RMST: variants seen among roughly 807,000 people sequenced by gnomAD.
RMST encodes rhabdomyosarcoma 2 associated transcript, also known as long intergenic non-protein coding RNA 54.
intron 11 of RMST, among the ~76,000 whole-genome samples, chr12:97,543,656 A>G (rs1049552475): frequency 6.6e-6 from 1 of 151,966 alleles, no homozygotes; most frequent in Non-Finnish European, 1.5e-5. Flanking sequence ...TGTTTACTAT[A>G]TGCCAGACAC....
At chr12:97,497,640 G>A (rs1877591160) in intron 10 of RMST, among the ~76,000 whole-genome samples, 1 of 150,638 alleles carries the variant, frequency 6.6e-6, no homozygotes, top group Non-Finnish European at 1.5e-5. Context: ...TGATAGTCAT[G>A]AATGAAGATA....
chr12:97,539,054 T>A (rs943386482), intron 11 of RMST, among the ~76,000 whole-genome samples: 3 of 151,502 alleles, frequency 2.0e-5, no homozygotes, highest in Non-Finnish European at 3.0e-5. Flanking sequence ...ATACTAATTT[T>A]AACATATTAT....
At chr12:97,528,282 T>A (rs529495333) in intron 10 of RMST, among the ~76,000 whole-genome samples, 1 of 152,296 alleles carries the variant, frequency 6.6e-6, no homozygotes, top group Admixed American at 6.5e-5. Flanking sequence ...CTTTTTAAAT[T>A]CAGTATAGTC....
intron 5 of RMST, among the ~76,000 whole-genome samples, chr12:97,466,170 G>C (rs1369446815): frequency 1.3e-5 from 2 of 152,044 alleles, no homozygotes; most frequent in South Asian, 4.1e-4. Context: ...TATTGTAATC[G>C]CACTTATTCA....
At chr12:97,555,834 G>A (rs1037805240) in intron 11 of RMST, among the ~76,000 whole-genome samples, 2 of 152,144 alleles carry the variant, frequency 1.3e-5, no homozygotes. Context: ...CAACTGTCTC[G>A]GGAATTTCTC....
intron 5 of RMST, among the ~76,000 whole-genome samples, chr12:97,473,995 G>T (rs1207116165): frequency 6.6e-6 from 1 of 151,968 alleles, no homozygotes; most frequent in Non-Finnish European, 1.5e-5. Context: ...ACTATTTCTG[G>T]CTTCTCTGCC....
intron 11 of RMST, among the ~76,000 whole-genome samples, chr12:97,549,646 A>G (rs1449355929): frequency 6.6e-6 from 1 of 152,232 alleles, no homozygotes; most frequent in Admixed American, 6.5e-5. Flanking sequence ...AAACTTTCTC[A>G]GCAACATGCT....
chr12:97,528,556 A>C (rs182381458), intron 10 of RMST, among the ~76,000 whole-genome samples: 1 of 152,282 alleles, frequency 6.6e-6, no homozygotes, highest in Non-Finnish European at 1.5e-5. Flanking sequence ...TTTCATAGGA[A>C]CAAATAGTGA....
intron 5 of RMST, among the ~76,000 whole-genome samples, chr12:97,486,189 G>A (rs780840249): frequency 4.1e-4 from 63 of 152,220 alleles, no homozygotes; most frequent in Middle Eastern, 3.4e-3. Flanking sequence ...CAAGTTTTCC[G>A]CCTTTGTCTG....
At chr12:97,525,207 A>C (rs1880966753) in intron 10 of RMST, among the ~76,000 whole-genome samples, 1 of 152,244 alleles carries the variant, frequency 6.6e-6, no homozygotes, top group Non-Finnish European at 1.5e-5. Flanking sequence ...GAGATGCAGG[A>C]ATACCAACAT....
At chr12:97,488,205 G>A (rs539774074) in intron 5 of RMST, among the ~76,000 whole-genome samples, 62 of 152,274 alleles carry the variant, frequency 4.1e-4, no homozygotes, top group East Asian at 2.5e-3. Context: ...CCAACATGGC[G>A]AAACCCTGTC....
At chr12:97,495,545 ATAT>A (rs1877316111) in intron 9 of RMST, among the ~76,000 whole-genome samples, 1 of 152,176 alleles carries the variant, frequency 6.6e-6, no homozygotes, top group Non-Finnish European at 1.5e-5. Flanking sequence ...AAGTCCAAAA[ATAT>A]TAGTGTGTTC....
chr12:97,502,481 T>G (rs1398111403), intron 10 of RMST, among the ~76,000 whole-genome samples: 2 of 152,160 alleles, frequency 1.3e-5, no homozygotes, highest in Admixed American at 6.5e-5. Context: ...TGATTTTTTT[T>G]GAGACAATCT....
chr12:97,533,004 CT>C (rs1881795097), intron 11 of RMST: 1 of 151,754 alleles, frequency 6.6e-6, no homozygotes, highest in African/African-American at 2.4e-5. Context: ...AGAAGAAAAT[CT>C]TCCTATTTTA....
intron 11 of RMST, among the ~76,000 whole-genome samples, chr12:97,558,775 A>G (rs1883891143): frequency 6.6e-6 from 1 of 152,132 alleles, no homozygotes; most frequent in South Asian, 2.1e-4. Context: ...TTGGTTATTT[A>G]TTCTGGGTAA....
chr12:97,528,492 AC>A (rs1354787295), intron 10 of RMST, among the ~76,000 whole-genome samples: 1 of 152,054 alleles, frequency 6.6e-6, no homozygotes, highest in Non-Finnish European at 1.5e-5. Context: ...CCCCTCTTCC[AC>A]TCAAAGAGTA....
chr12:97,506,210 T>A (rs1195261209), intron 10 of RMST, among the ~76,000 whole-genome samples: 1 of 152,192 alleles, frequency 6.6e-6, no homozygotes, highest in Non-Finnish European at 1.5e-5. Context: ...TCTTTTCAAA[T>A]GTCCAAATTT....
chr12:97,549,149 A>G lies in RMST; in HGVS notation n.1546-11388A>G, dbSNP rs539331481. On this transcript the variant is annotated intron_variant and non_coding_transcript_variant, in intron 11 of 13. Transcript: ENST00000640149. ...ATATATCTGCACATCATTAGCATTC[A>G]AACGAGGTTCCATAAGAAGTTGAAA... 3.2e-4 allele frequency among the ~76,000 whole-genome samples: 49 copies of G among 152,328 alleles called. No homozygotes were observed. The South Asian group carries it at 9.5e-3, about 30-fold the overall frequency.
At chr12:97,487,928 A>T (rs1373609186) in intron 5 of RMST, among the ~76,000 whole-genome samples, 4 of 152,138 alleles carry the variant, frequency 2.6e-5, no homozygotes, top group African/African-American at 9.7e-5. Flanking sequence ...GCTATGAAGA[A>T]TTTATTTCTT....
Sources: gnomAD v4.1 joint callset for allele counts (sites outside exome capture counted in the v4.1 genomes callset) on GRCh38, gnomAD v4.1.1 for gene constraint, MANE v1.5 for transcripts, NCBI Gene and HGNC (gene_info 2026-07-23, HGNC 2026-07-21) for gene names.